The following PCDHGB6 variants were observed in gnomAD, a reference collection of about 807,000 sequenced individuals.
The protein encoded by PCDHGB6 is protocadherin gamma-B6.
Under a neutral mutation model 59.1 loss-of-function variants are expected in PCDHGB6, and 51 were observed. The observed-to-expected ratio is 0.86, with a 90% CI of 0.69 to 1.09. PCDHGB6 has a LOEUF of 1.09. PCDHGB6 is among the 50% of genes least tolerant of loss of function. PCDHGB6 has a pLI of 0.00. For synonymous variants in PCDHGB6, 466 were observed against 495.1 expected (o/e 0.94, Z 0.78); for missense variants, 1,148 against 1,205.1 (o/e 0.95, Z 0.70).
chr5:141,428,307 C>A, intron 1 of PCDHGB6: 1 of 688,030 alleles, frequency 1.5e-6, no homozygotes, highest in South Asian at 1.6e-5. Flanking sequence ...TTTACCTGGT[C>A]GTGGCCTTGG....
In PCDHGB6 at chr5:141,489,087, T is replaced by A. The variant is rs2099682381; in HGVS notation, c.2419-5720T>A. ...CCCCCTGCCCACCCCCGCCACTCGG[T>A]GACTAAGAACTGCTGCAAGCAGGCA... is the stretch of plus-strand genomic sequence containing the variant. On this transcript the variant is annotated intron_variant, in intron 1 of 3. Coordinates refer to ENST00000520790, the MANE Select transcript of PCDHGB6 (RefSeq NM_018926.3). This position sits in a 1 kb window ranked among gnomAD's most constrained non-coding sequence, Gnocchi z 4.5. The A allele has an allele frequency of 4.6e-6, 1 of 216,106 alleles. No individual in the cohort carries two copies. Among genetic ancestry groups the A allele is most frequent in the Non-Finnish European group, 8.4e-6 (1 of 118,734 alleles). 13.4% of individuals were successfully genotyped at this position (216,106 alleles called of 1,614,324 possible). A position where few individuals can be genotyped will look rare whatever the true frequency, so the allele number is the denominator to read the frequency against.
chr5:141,453,077 T>C (rs2098755487), intron 1 of PCDHGB6, among the ~76,000 whole-genome samples: 1 of 152,090 alleles, frequency 6.6e-6, no homozygotes, highest in African/African-American at 2.4e-5. Context: ...CACACTCTGG[T>C]TGATTAGTAT....
rs761468303 is a variant in PCDHGB6 at position 141,421,659 on chromosome 5, T to C, written c.2418+11039T>C. 4 of 1,613,700 alleles carry C rather than the reference T, an allele frequency of 2.5e-6. No individual in the cohort carries two copies. The Admixed American group carries it at 6.7e-5, about 27-fold the overall frequency. On this transcript the variant is annotated intron_variant, in intron 1 of 3. Transcript: ENST00000520790. ...AGGACGAAGTGGAGATAAAAGTCAG[T>C]GAGCACGCAATTCCTGGGGCGCGAT...
chr5:141,474,358 C>A (rs189724264), intron 1 of PCDHGB6, among the ~76,000 whole-genome samples: 30 of 152,290 alleles, frequency 2.0e-4, no homozygotes, highest in African/African-American at 6.5e-4. Context: ...AGTCATGTCT[C>A]AGTAGGTCTA....
In PCDHGB6 at chr5:141,511,502, A is replaced by G. The variant is rs953158220; in HGVS notation, c.*329A>G. ...CTGAACTCCTCCATCTTCCAAATCAATCAGGCCCATCCATCCCATGCCTCC... is the reference window on the plus strand; with the variant it reads ...CTGAACTCCTCCATCTTCCAAATCAGTCAGGCCCATCCATCCCATGCCTCC... On this transcript the variant is annotated 3_prime_UTR_variant, in exon 4 of 4. Transcript: ENST00000520790. The G allele has an allele frequency of 1.3e-5, 5 of 395,150 alleles. No homozygotes were observed. Among genetic ancestry groups the G allele is most frequent in the African/African-American group, 1.0e-4 (5 of 48,770 alleles). The allele number at this position is 395,150 out of a possible 1,614,324, so 24.5% of individuals were successfully genotyped here.
rs2099701571 is a variant in PCDHGB6, at chr5:141,490,550, A to G, written c.2419-4257A>G. On this transcript the variant is annotated intron_variant, in intron 1 of 3. Coordinates refer to ENST00000520790, the MANE Select transcript of PCDHGB6 (RefSeq NM_018926.3). This position sits in a 1 kb window ranked among gnomAD's most constrained non-coding sequence, Gnocchi z 5.4. ...GCTGGTTCACCTTCCCTACACAAACATCTCACCATCAGGCTCAACATTTCA... is the reference window on the plus strand; with the variant it reads ...GCTGGTTCACCTTCCCTACACAAACGTCTCACCATCAGGCTCAACATTTCA... 1 of 1,614,092 alleles carries G rather than the reference A, an allele frequency of 6.2e-7. No individual in the cohort carries two copies.
Position 141,408,915 on chromosome 5 carries a change from A to T in PCDHGB6, c.713A>T (p.Asn238Ile), listed in dbSNP as rs2095192273. ...IEISVKDTND[N>I]PPVFSRDEYR... Reference sequence around the variant, plus strand: ...ATTTCTGTCAAGGATACCAATGATAACCCCCCGGTTTTCAGCAGAGACGAA... The same window carrying T: ...ATTTCTGTCAAGGATACCAATGATATCCCCCCGGTTTTCAGCAGAGACGAA... The change falls in exon 1 of 4, where the codon AAC becomes ATC. Residue 238 changes from asparagine to isoleucine, a missense_variant. Coordinates refer to ENST00000520790, the MANE Select transcript of PCDHGB6 (RefSeq NM_018926.3). 2 of 1,613,004 alleles carry T rather than the reference A, an allele frequency of 1.2e-6. No individual in the cohort carries two copies. The highest frequency in any genetic ancestry group is 2.2e-5 in the South Asian group (2 of 90,984).
intron 1 of PCDHGB6, chr5:141,419,658 A>C: frequency 1.9e-6 from 3 of 1,612,782 alleles, no homozygotes; most frequent in Non-Finnish European, 2.5e-6. Context: ...GACTCGGGGC[A>C]CAATGCCTGG....
intron 1 of PCDHGB6, chr5:141,421,203 G>A (rs779780797): frequency 2.6e-6 from 4 of 1,522,494 alleles, no homozygotes; most frequent in African/African-American, 1.4e-5. Context: ...TCGAGAAACC[G>A]CGGAATATCG....
chr5:141,490,010 T>C lies in PCDHGB6; in HGVS notation c.2419-4797T>C, dbSNP rs749356078. On this transcript the variant is annotated intron_variant, in intron 1 of 3. Coordinates refer to ENST00000520790, the MANE Select transcript of PCDHGB6 (RefSeq NM_018926.3). The surrounding 1 kb of genome is among the most constrained non-coding windows in gnomAD (Gnocchi z 5.4). ...GTGGGAATCCCAGAGAATGCACCCA[T>C]TGGTACTCTGCTGCTCCGCCTCAAT... 11 of 1,614,198 alleles carry C rather than the reference T, an allele frequency of 6.8e-6. No homozygotes were observed. The highest frequency in any genetic ancestry group is 2.2e-5 in the South Asian group (2 of 91,082).
At chr5:141,458,645 C>T (rs1162232847) in intron 1 of PCDHGB6, among the ~76,000 whole-genome samples, 2 of 152,170 alleles carry the variant, frequency 1.3e-5, no homozygotes, top group Non-Finnish European at 2.9e-5. Flanking sequence ...TCCCAGCTCA[C>T]TGCAACCTCC....
chr5:141,447,775 AT>A (rs1463090729), intron 1 of PCDHGB6, among the ~76,000 whole-genome samples: 2 of 152,212 alleles, frequency 1.3e-5, no homozygotes, highest in Non-Finnish European at 2.9e-5. Flanking sequence ...TTATACTTTA[AT>A]TGAAAATAAA....
At chr5:141,442,005 C>G (rs1037210381) in intron 1 of PCDHGB6, 1 of 229,014 alleles carries the variant, frequency 4.4e-6, no homozygotes. Flanking sequence ...GCTGACAGCT[C>G]GCACGATGGG....
chr5:141,418,649 G>A (rs760169796), intron 1 of PCDHGB6: 3 of 1,613,926 alleles, frequency 1.9e-6, no homozygotes, highest in Non-Finnish European at 2.5e-6. Flanking sequence ...CATCCTGAGA[G>A]TGAAGGCCAC....
At chr5:141,483,745 T>C (rs1288301129) in intron 1 of PCDHGB6, among the ~76,000 whole-genome samples, 1 of 152,130 alleles carries the variant, frequency 6.6e-6, no homozygotes, top group Non-Finnish European at 1.5e-5. Flanking sequence ...AGGATATTCC[T>C]GAGGATCGAG....
chr5:141,410,766 AG>A, intron 1 of PCDHGB6, 146 bp downstream of exon 1: 1 of 1,032,268 alleles, frequency 9.7e-7, no homozygotes, highest in Non-Finnish European at 1.3e-6. Context: ...TTTCAATTAT[AG>A]TTTTCACTAT....
At chr5:141,411,567 G>A (rs1390794685) in intron 1 of PCDHGB6, 1 of 152,186 alleles carries the variant, frequency 6.6e-6, no homozygotes, top group Non-Finnish European at 1.5e-5. Context: ...CTGGGCGACA[G>A]AGTGCGACCC....
intron 1 of PCDHGB6, chr5:141,421,421 T>A (rs982627903): frequency 6.2e-7 from 1 of 1,613,876 alleles, no homozygotes; most frequent in Non-Finnish European, 8.5e-7. Flanking sequence ...AAGCGCGGAG[T>A]CCGCATCGTC....
Position 141,477,029 on chromosome 5 carries a change from A to T in PCDHGB6, c.2419-17778A>T, listed in dbSNP as rs754045855. ...CTTAGACCTTGTAACCGGGATGCTG[A>T]CAATCAAGGGTCGGCTGGACTTCGA... On this transcript the variant is annotated intron_variant, in intron 1 of 3. Transcript: ENST00000520790. This position sits in a 1 kb window ranked among gnomAD's most constrained non-coding sequence, Gnocchi z 4.9. 2 of 1,614,238 alleles carry T rather than the reference A, an allele frequency of 1.2e-6. No homozygotes were observed. The highest frequency in any genetic ancestry group is 3.3e-5 in the Admixed American group (2 of 60,028).
Sources: gnomAD v4.1 joint callset for allele counts (sites outside exome capture counted in the v4.1 genomes callset) on GRCh38, gnomAD v4.1.1 for gene constraint, Gnocchi (gnomAD v3.1) non-coding constraint, MANE v1.5 for transcripts, NCBI Gene and HGNC (gene_info 2026-07-23, HGNC 2026-07-21) for gene names.